The following ARB2A variants were observed in gnomAD, a reference collection of about 807,000 sequenced individuals.
ARB2A encodes the protein cotranscriptional regulator ARB2A.
the ARB2A span, among the ~76,000 whole-genome samples, chr5:94,070,800 C>G: frequency 6.6e-6 from 1 of 151,822 alleles, no homozygotes; most frequent in African/African-American, 2.4e-5. Flanking sequence ...GTATATATGG[C>G]ATATAATTCA....
chr5:93,657,941 T>C, the ARB2A span, among the ~76,000 whole-genome samples: 1 of 152,168 alleles, frequency 6.6e-6, no homozygotes, highest in African/African-American at 2.4e-5. Flanking sequence ...TGCTATATAA[T>C]ATGCATTGTT....
chr5:93,621,239 C>CCCCGCCCCT, the ARB2A span: 73 of 956,470 alleles, frequency 7.6e-5, 1 homozygote, highest in Non-Finnish European at 6.8e-5. Context: ...TCCCGCCCCT[C>CCCCGCCCCT]CCCGCCCCTC....
the ARB2A span, among the ~76,000 whole-genome samples, chr5:93,950,190 C>G: frequency 1.3e-5 from 2 of 152,130 alleles, no homozygotes; most frequent in Non-Finnish European, 2.9e-5. Context: ...GCAGATATCT[C>G]TTTGATAAAC....
the ARB2A span, among the ~76,000 whole-genome samples, chr5:93,708,466 G>A: frequency 6.6e-6 from 1 of 152,130 alleles, no homozygotes; most frequent in African/African-American, 2.4e-5. Context: ...ATGGGGAGTG[G>A]GGGATGGTTT....
chr5:93,919,621 T>C, the ARB2A span, among the ~76,000 whole-genome samples: 1 of 152,194 alleles, frequency 6.6e-6, no homozygotes, highest in Non-Finnish European at 1.5e-5. Flanking sequence ...GGTTATTAAT[T>C]TGAACATTAG....
the ARB2A span, among the ~76,000 whole-genome samples, chr5:94,077,752 T>A: frequency 2.6e-4 from 40 of 152,214 alleles, no homozygotes; most frequent in African/African-American, 9.2e-4. Flanking sequence ...AGGTTTTTAC[T>A]GATGTGAATT....
the ARB2A span, among the ~76,000 whole-genome samples, chr5:93,793,931 C>T: frequency 6.6e-6 from 1 of 152,112 alleles, no homozygotes; most frequent in Non-Finnish European, 1.5e-5. Flanking sequence ...CTTTAATCTA[C>T]CACACTGTTC....
the ARB2A span, among the ~76,000 whole-genome samples, chr5:93,812,885 C>T: frequency 6.6e-6 from 1 of 152,150 alleles, no homozygotes; most frequent in South Asian, 2.1e-4. Context: ...AATCTGAATA[C>T]ACTAATCTTA....
At chr5:93,762,399 C>A in the ARB2A span, among the ~76,000 whole-genome samples, 8 of 152,048 alleles carry the variant, frequency 5.3e-5, no homozygotes, top group Admixed American at 3.3e-4. Context: ...AACTACGTGA[C>A]GAATGCACAA....
the ARB2A span, among the ~76,000 whole-genome samples, chr5:93,905,144 T>C: frequency 2.0e-5 from 3 of 151,704 alleles, no homozygotes; most frequent in Non-Finnish European, 4.4e-5. Context: ...CAAGTACACA[T>C]TTATTTAGGA....
At chr5:93,935,471 G>A in the ARB2A span, among the ~76,000 whole-genome samples, 1 of 152,128 alleles carries the variant, frequency 6.6e-6, no homozygotes, top group Admixed American at 6.5e-5. Context: ...CATAGAAGAA[G>A]CATAACATGC....
chr5:93,703,591 A>G, the ARB2A span, among the ~76,000 whole-genome samples: 1 of 152,332 alleles, frequency 6.6e-6, no homozygotes, highest in Non-Finnish European at 1.5e-5. Context: ...TTGCGAATCA[A>G]TAAGAGGCAG....
chr5:93,743,559 G>A, the ARB2A span: 18 of 984,780 alleles, frequency 1.8e-5, no homozygotes, highest in African/African-American at 7.0e-5. Flanking sequence ...TCAAAATCAC[G>A]AAGCAATCAG....
chr5:93,663,669 T>G, the ARB2A span, among the ~76,000 whole-genome samples: 1 of 152,134 alleles, frequency 6.6e-6, no homozygotes, highest in Admixed American at 6.6e-5. Flanking sequence ...TGGGCTTTGG[T>G]GGTGAGAGGC....
chr5:93,965,872 T>C, the ARB2A span, among the ~76,000 whole-genome samples: 2 of 152,090 alleles, frequency 1.3e-5, no homozygotes, highest in Non-Finnish European at 2.9e-5. Context: ...TATGTATACG[T>C]ATTCATTTCA....
At chr5:93,789,384 T>C in the ARB2A span, among the ~76,000 whole-genome samples, 2 of 152,128 alleles carry the variant, frequency 1.3e-5, no homozygotes, top group African/African-American at 2.4e-5. Context: ...TTGAGATGCC[T>C]TTAAAAAAAA....
the ARB2A span, among the ~76,000 whole-genome samples, chr5:93,772,054 C>A: frequency 1.3e-5 from 2 of 152,172 alleles, no homozygotes; most frequent in African/African-American, 4.8e-5. Context: ...TTGGAACCAA[C>A]CCAAATGTCC....
chr5:93,930,746 T>C, the ARB2A span, among the ~76,000 whole-genome samples: 13 of 152,178 alleles, frequency 8.5e-5, no homozygotes, highest in Non-Finnish European at 1.6e-4. Flanking sequence ...AAGGTAAATA[T>C]AAGCATAGTT....
the ARB2A span, among the ~76,000 whole-genome samples, chr5:93,944,707 CAGAA>C: frequency 1.3e-5 from 2 of 151,398 alleles, no homozygotes; most frequent in African/African-American, 4.9e-5. Context: ...GAACAAAAGA[CAGAA>C]AGAGATGAAA....
Sources: allele counts gnomAD v4.1 joint callset (sites outside exome capture counted in the v4.1 genomes callset), GRCh38; gene constraint gnomAD v4.1.1; transcripts MANE v1.5; gene names NCBI Gene and HGNC (gene_info 2026-07-23, HGNC 2026-07-21).